Variants in LAMA2 observed in about 807,000 individuals in gnomAD.
LAMA2 encodes laminin subunit alpha-2.
LAMA2 carries 269 observed loss-of-function variants against 364.8 expected under a neutral mutation model. That is an observed-to-expected ratio of 0.74 (90% CI 0.67 to 0.82). LAMA2 has a LOEUF of 0.82. Ranked by LOEUF, LAMA2 falls within the 40% of genes least tolerant of loss-of-function variation. The probability of loss-of-function intolerance (pLI) is 0.00; values close to 1 mark genes in which losing one functional copy is unlikely to be tolerated. For missense variants in LAMA2, 3,807 were observed against 3,873.2 expected (o/e 0.98, Z 0.45); for synonymous variants, 1,379 against 1,370.6 (o/e 1.01, Z -0.14).
chr6:129,449,499 G>A (rs982677996), intron 45 of LAMA2, among the ~76,000 whole-genome samples: 1 of 152,042 alleles, frequency 6.6e-6, no homozygotes, highest in African/African-American at 2.4e-5. Context: ...CCTCATGACC[G>A]AAACACTTCC....
chr6:129,084,035 G>A (rs1209100995), intron 3 of LAMA2, among the ~76,000 whole-genome samples: 14 of 152,238 alleles, frequency 9.2e-5, no homozygotes, highest in Admixed American at 8.5e-4. Flanking sequence ...TTAAAGGCCG[G>A]CACAATAAGC....
intron 3 of LAMA2, among the ~76,000 whole-genome samples, chr6:129,082,815 A>G (rs1335890691): frequency 6.6e-6 from 1 of 152,030 alleles, no homozygotes; most frequent in African/African-American, 2.4e-5. Context: ...CTTTAAAATC[A>G]TTACCTTTTA....
chr6:128,957,836 A>ATTTTTTTTTTTTTTTTTTT (rs10652900), intron 1 of LAMA2, among the ~76,000 whole-genome samples: 8 of 51,268 alleles, frequency 1.6e-4, no homozygotes, highest in African/African-American at 4.7e-4. Flanking sequence ...TACTTCATGC[A>ATTTTTTTTTTTTTTTTTTT]TTTTTTTTTT....
chr6:129,411,469 A>G (rs977417742), intron 40 of LAMA2, among the ~76,000 whole-genome samples: 3 of 152,230 alleles, frequency 2.0e-5, no homozygotes, highest in Admixed American at 6.5e-5. Context: ...GGAGAAGCCT[A>G]GAAAAAATAA....
At chr6:128,961,688 C>A (rs9482964) in intron 1 of LAMA2, among the ~76,000 whole-genome samples, 8,771 of 151,756 alleles carry the variant, frequency 0.058, 748 homozygotes, top group African/African-American at 0.19. Flanking sequence ...GGTGGGTCTG[C>A]CTTTCCCAGC....
At chr6:129,378,995 G>T (rs908750186) in intron 34 of LAMA2, among the ~76,000 whole-genome samples, 2 of 152,108 alleles carry the variant, frequency 1.3e-5, no homozygotes, top group African/African-American at 4.8e-5. Context: ...AGAAAATGTG[G>T]TACATACACA....
At chr6:129,312,794 G>C in intron 22 of LAMA2, 67 bp from the exon 23 acceptor site, 1 of 1,073,306 alleles carries the variant, frequency 9.3e-7, no homozygotes, top group South Asian at 1.3e-5. Context: ...AGAAACATTA[G>C]AATTAAAATT....
chr6:129,335,894 G>T (rs1178705078), intron 29 of LAMA2, among the ~76,000 whole-genome samples: 2 of 152,188 alleles, frequency 1.3e-5, no homozygotes, highest in Non-Finnish European at 2.9e-5. Flanking sequence ...GATTAAATGA[G>T]TTTGATTTTA....
chr6:129,074,186 G>C (rs1773490954), intron 3 of LAMA2, among the ~76,000 whole-genome samples: 15 of 152,144 alleles, frequency 9.9e-5, no homozygotes, highest in Admixed American at 9.8e-4. Context: ...CCAACTCTGG[G>C]AGACTTCCCA....
chr6:129,118,189 C>T (rs1583073057), intron 4 of LAMA2, among the ~76,000 whole-genome samples: 1 of 152,190 alleles, frequency 6.6e-6, no homozygotes, highest in Non-Finnish European at 1.5e-5. Context: ...GAATTAACAA[C>T]CTATTTTATA....
intron 1 of LAMA2, among the ~76,000 whole-genome samples, chr6:129,038,334 C>A (rs1443169161): frequency 1.3e-5 from 2 of 152,194 alleles, no homozygotes; most frequent in Admixed American, 1.3e-4. Context: ...ATCTTTCTAT[C>A]TTCACTCTGT....
chr6:128,892,272 A>C (rs999659020), intron 1 of LAMA2, among the ~76,000 whole-genome samples: 1 of 152,026 alleles, frequency 6.6e-6, no homozygotes, highest in South Asian at 2.1e-4. Context: ...AGTAACAGAG[A>C]TAAGAAGAAA....
intron 40 of LAMA2, among the ~76,000 whole-genome samples, chr6:129,416,600 T>A (rs1035680423): frequency 3.9e-5 from 6 of 152,128 alleles, no homozygotes; most frequent in African/African-American, 1.4e-4. Context: ...ATGTGGGGGC[T>A]TGTATAAGGG....
intron 3 of LAMA2, among the ~76,000 whole-genome samples, chr6:129,072,706 C>CTTG (rs1173898998): frequency 6.6e-6 from 1 of 151,908 alleles, no homozygotes; most frequent in Non-Finnish European, 1.5e-5. Flanking sequence ...CTTTCATTAG[C>CTTG]TTGTCTTCTG....
chr6:129,417,225 G>C (rs1780842908), intron 40 of LAMA2, among the ~76,000 whole-genome samples: 1 of 152,270 alleles, frequency 6.6e-6, no homozygotes, highest in East Asian at 1.9e-4. Context: ...GCAGACAACT[G>C]GAGGGTTAGC....
At chr6:129,209,920 C>T (rs1782974417) in intron 12 of LAMA2, among the ~76,000 whole-genome samples, 1 of 145,444 alleles carries the variant, frequency 6.9e-6, no homozygotes, top group African/African-American at 2.6e-5. Context: ...AGGAGAATGA[C>T]GTGAAGCCGG....
At chr6:129,313,138 A>G (rs753005492) in intron 23 of LAMA2, 41 bp downstream of exon 23, 3 of 1,269,324 alleles carry the variant, frequency 2.4e-6, no homozygotes, top group Non-Finnish European at 3.4e-6. Flanking sequence ...ACCTCCCTCA[A>G]TTCTGTTTCC....
intron 1 of LAMA2, among the ~76,000 whole-genome samples, chr6:129,026,251 A>G (rs916142991): frequency 6.6e-6 from 1 of 152,212 alleles, no homozygotes; most frequent in South Asian, 2.1e-4. Context: ...AAAAATATTT[A>G]TGGTAATTAA....
chr6:129,268,639 T>A (rs923336756), intron 16 of LAMA2, among the ~76,000 whole-genome samples: 4 of 152,072 alleles, frequency 2.6e-5, no homozygotes, highest in African/African-American at 7.2e-5. Flanking sequence ...TTCAGCATAA[T>A]TTTGAGAGAA....
Sources: gnomAD v4.1 joint callset for allele counts (sites outside exome capture counted in the v4.1 genomes callset) on GRCh38, gnomAD v4.1.1 for gene constraint, MANE v1.5 for transcripts, NCBI Gene and HGNC (gene_info 2026-07-23, HGNC 2026-07-21) for gene names.